The following MECOM variants were observed in gnomAD, a reference collection of about 807,000 sequenced individuals.
The protein encoded by MECOM is MDS1 and EVI1 complex locus.
A neutral mutation model predicts 116.3 loss-of-function variants in MECOM; 13 were observed. The observed-to-expected ratio is 0.11, with a 90% CI of 0.07 to 0.18. The LOEUF is 0.18. Ranked by LOEUF, MECOM falls within the 10% of genes least tolerant of loss-of-function variation. The pLI is 1.00. For synonymous variants in MECOM, 528 were observed against 535.2 expected (o/e 0.99, Z 0.19); for missense variants, 1,299 against 1,509.0 (o/e 0.86, Z 2.31).
intron 1 of MECOM, among the ~76,000 whole-genome samples, chr3:169,450,861 A>T (rs1387794449): frequency 6.6e-6 from 1 of 152,218 alleles, no homozygotes; most frequent in Non-Finnish European, 1.5e-5. Context: ...TAAGAAGAAA[A>T]GGATCTTTCA....
chr3:169,222,778 T>G (rs1752281979), intron 2 of MECOM, among the ~76,000 whole-genome samples: 1 of 152,234 alleles, frequency 6.6e-6, no homozygotes, highest in Non-Finnish European at 1.5e-5. Flanking sequence ...AGTTTTCTTC[T>G]GGTCATTTAT....
rs897924801 is a variant in MECOM, at chr3:169,173,396, C to T, written c.376-29564G>A. ...CTCAAAGCTTTAATCCTCCCTCTCT[C>T]CCCAATGCTGGTAATTCCCTGACAA... On this transcript the variant is annotated intron_variant, in intron 2 of 16. Transcript: ENST00000651503. 2.0e-5 allele frequency among the ~76,000 whole-genome samples: 3 copies of T among 152,270 alleles called. No individual in the cohort carries two copies. The South Asian group carries it at 6.2e-4, about 32-fold the overall frequency.
chr3:169,340,829 A>G (rs1410828489), intron 2 of MECOM, among the ~76,000 whole-genome samples: 4 of 152,200 alleles, frequency 2.6e-5, no homozygotes, highest in African/African-American at 9.6e-5. Context: ...AGCTTCTTGC[A>G]AGGTATTCTT....
intron 2 of MECOM, among the ~76,000 whole-genome samples, chr3:169,249,955 C>T (rs1002265715): frequency 1.3e-5 from 2 of 152,164 alleles, no homozygotes; most frequent in Non-Finnish European, 2.9e-5. Flanking sequence ...TGTGAGCAGA[C>T]ATCTCATTTT....
At chr3:169,638,161 T>C (rs1460496244) in intron 1 of MECOM, among the ~76,000 whole-genome samples, 1 of 152,208 alleles carries the variant, frequency 6.6e-6, no homozygotes, top group Non-Finnish European at 1.5e-5. Flanking sequence ...TTTTCTCCAT[T>C]GACTTGCCTA....
At chr3:169,559,597 C>T (rs1162087445) in intron 1 of MECOM, among the ~76,000 whole-genome samples, 2 of 152,152 alleles carry the variant, frequency 1.3e-5, no homozygotes, top group African/African-American at 4.8e-5. Context: ...AACAATATAT[C>T]TGCCACTTTT....
At chr3:169,547,962 C>A (rs1056870870) in intron 1 of MECOM, among the ~76,000 whole-genome samples, 1 of 152,154 alleles carries the variant, frequency 6.6e-6, no homozygotes, top group Admixed American at 6.5e-5. Flanking sequence ...TCTGCAAACA[C>A]CTAGATTTTG....
At chr3:169,294,443 T>C (rs1257586907) in intron 2 of MECOM, among the ~76,000 whole-genome samples, 4 of 152,122 alleles carry the variant, frequency 2.6e-5, no homozygotes, top group Non-Finnish European at 5.9e-5. Flanking sequence ...TGGCGTAAGG[T>C]CACAAACAAA....
At chr3:169,396,076 G>A (rs62294301) in intron 1 of MECOM, among the ~76,000 whole-genome samples, 8,461 of 152,124 alleles carry the variant, frequency 0.056, 248 homozygotes, top group Non-Finnish European at 0.066. Context: ...CTAATTATAT[G>A]GCATTTCTAG....
At position 169,096,632 on chromosome 3, in the gene MECOM, C is replaced by T. The variant is rs186001968; in HGVS notation, c.2850-1387G>A. Among the ~76,000 whole-genome samples, 596 of 152,178 alleles carry T rather than the reference C, an allele frequency of 3.9e-3. 2 individuals carry two copies. Among genetic ancestry groups the T allele is most frequent in the Non-Finnish European group, 6.4e-3 (435 of 67,990 alleles). On this transcript the variant is annotated intron_variant, in intron 12 of 16. Coordinates refer to ENST00000651503, the MANE Select transcript of MECOM (RefSeq NM_004991.4). ...GACAGAAAATTCTTAACTCATCCTT[C>T]CATGTGTGAAGGGCCCTTCTCCTCC...
intron 1 of MECOM, among the ~76,000 whole-genome samples, chr3:169,513,258 C>T (rs1196948321): frequency 1.3e-5 from 2 of 152,250 alleles, no homozygotes; most frequent in Non-Finnish European, 2.9e-5. Context: ...TACTGCCTTG[C>T]TGTTCATGCA....
chr3:169,290,436 T>G (rs1714297960), intron 2 of MECOM, among the ~76,000 whole-genome samples: 2 of 152,130 alleles, frequency 1.3e-5, no homozygotes, highest in African/African-American at 2.4e-5. Context: ...AAATAACCTT[T>G]AAACGTATAT....
intron 7 of MECOM, among the ~76,000 whole-genome samples, chr3:169,120,533 T>C (rs950182409): frequency 3.9e-5 from 6 of 152,210 alleles, no homozygotes; most frequent in Non-Finnish European, 7.3e-5. Flanking sequence ...CGACAGCCTG[T>C]GATCGGCAAC....
In MECOM at chr3:169,602,163, G is replaced by C. The variant is rs942620520; in HGVS notation, c.37+61173C>G. ...TACTCTGATTTGAATGGTGGTTTAA[G>C]TAAAAAAACTTATGTATCTGATATT... On this transcript the variant is annotated intron_variant, in intron 1 of 16. Transcript: ENST00000651503. 2.0e-5 allele frequency among the ~76,000 whole-genome samples: 3 copies of C among 152,186 alleles called. No homozygotes were observed. In the South Asian group the frequency reaches 6.2e-4, roughly 31 times the overall value.
At chr3:169,549,388 T>A (rs1429417044) in intron 1 of MECOM, among the ~76,000 whole-genome samples, 1 of 149,822 alleles carries the variant, frequency 6.7e-6, no homozygotes, top group East Asian at 2.1e-4. Flanking sequence ...AAAGAGAGAG[T>A]TTCACTGTAA....
chr3:169,352,031 T>C (rs780330316), intron 2 of MECOM, among the ~76,000 whole-genome samples: 3 of 151,938 alleles, frequency 2.0e-5, no homozygotes, highest in Non-Finnish European at 4.4e-5. Context: ...AGGATAAGCA[T>C]TTATTCTAGA....
chr3:169,575,047 G>C (rs1460353519), intron 1 of MECOM, among the ~76,000 whole-genome samples: 2 of 152,058 alleles, frequency 1.3e-5, no homozygotes, highest in African/African-American at 4.8e-5. Flanking sequence ...AAAAAGAAAA[G>C]AACAGACCCT....
At chr3:169,434,316 TTA>T (rs1742261131) in intron 1 of MECOM, among the ~76,000 whole-genome samples, 1 of 152,196 alleles carries the variant, frequency 6.6e-6, no homozygotes, top group African/African-American at 2.4e-5. Context: ...GAAAAACAAA[TTA>T]GCTACTCTCC....
chr3:169,566,981 G>A (rs979719303), intron 1 of MECOM, among the ~76,000 whole-genome samples: 3 of 152,204 alleles, frequency 2.0e-5, no homozygotes, highest in Non-Finnish European at 4.4e-5. Context: ...AAACTTCTCT[G>A]GGCTCAACTT....
Sources: gnomAD v4.1 joint callset for allele counts (sites outside exome capture counted in the v4.1 genomes callset) on GRCh38, gnomAD v4.1.1 for gene constraint, MANE v1.5 for transcripts, NCBI Gene and HGNC (gene_info 2026-07-23, HGNC 2026-07-21) for gene names.